Variants in SCFD2 observed in about 807,000 individuals in gnomAD.
SCFD2 encodes the protein sec1 family domain containing 2, also known as sec1 family domain-containing protein 2.
A neutral mutation model predicts 58.9 loss-of-function variants in SCFD2; 54 were observed. The ratio of observed to expected loss-of-function variants is 0.92; its 90% CI spans 0.74 to 1.15. SCFD2 has a LOEUF of 1.15. SCFD2 is among the 50% of genes most tolerant of loss of function. The pLI, the probability that SCFD2 is intolerant of heterozygous loss-of-function variation, is 0.00. For missense variants in SCFD2, 805 were observed against 836.6 expected (o/e 0.96, Z 0.47); for synonymous variants, 321 against 335.9 (o/e 0.96, Z 0.49).
At chr4:53,026,536 A>T (rs1021641681) in intron 5 of SCFD2, among the ~76,000 whole-genome samples, 1 of 152,228 alleles carries the variant, frequency 6.6e-6, no homozygotes, top group African/African-American at 2.4e-5. Flanking sequence ...GGAAACAAGG[A>T]TATCAGAGCC....
At chr4:53,106,429 T>C (rs910209656) in intron 5 of SCFD2, among the ~76,000 whole-genome samples, 3 of 152,078 alleles carry the variant, frequency 2.0e-5, no homozygotes, top group Admixed American at 6.6e-5. Context: ...TCCTCTGAGT[T>C]AAAGGAGCAT....
chr4:53,292,933 C>T (rs1731892404), intron 3 of SCFD2, among the ~76,000 whole-genome samples: 1 of 152,032 alleles, frequency 6.6e-6, no homozygotes, highest in African/African-American at 2.4e-5. Context: ...GGGCTTAAAA[C>T]CTAGAAGACA....
At chr4:53,271,792 A>C (rs7682970) in intron 4 of SCFD2, among the ~76,000 whole-genome samples, 109,916 of 152,054 alleles carry the variant, frequency 0.72, 39,957 homozygotes, top group Middle Eastern at 0.8. Flanking sequence ...AAAAATAGAA[A>C]CTTGAGACTT....
intron 4 of SCFD2, among the ~76,000 whole-genome samples, chr4:53,147,009 A>G (rs1726351949): frequency 6.6e-6 from 1 of 152,196 alleles, no homozygotes; most frequent in Non-Finnish European, 1.5e-5. Flanking sequence ...AGTAAGTGCT[A>G]TAAACAAAAA....
intron 4 of SCFD2, among the ~76,000 whole-genome samples, chr4:53,216,679 C>A (rs967543012): frequency 7.2e-5 from 11 of 152,136 alleles, no homozygotes; most frequent in African/African-American, 2.7e-4. Context: ...TATTTCTCGC[C>A]TTCTGCTAGC....
intron 5 of SCFD2, among the ~76,000 whole-genome samples, chr4:53,053,130 C>T (rs190741031): frequency 5.2e-4 from 78 of 150,394 alleles, no homozygotes; most frequent in Admixed American, 1.7e-3. Context: ...GAGGTTGAGG[C>T]GGGAGGATCA....
intron 4 of SCFD2, among the ~76,000 whole-genome samples, chr4:53,241,714 C>A (rs1324096400): frequency 6.6e-6 from 1 of 152,204 alleles, no homozygotes; most frequent in Non-Finnish European, 1.5e-5. Context: ...TGTGTGTGCA[C>A]CCTGTCATGC....
At chr4:53,106,434 G>A (rs1395253452) in intron 5 of SCFD2, among the ~76,000 whole-genome samples, 1 of 152,164 alleles carries the variant, frequency 6.6e-6, no homozygotes, top group African/African-American at 2.4e-5. Context: ...TGAGTTAAAG[G>A]AGCATGTTCT....
intron 2 of SCFD2, among the ~76,000 whole-genome samples, chr4:53,342,219 C>T (rs1198438178): frequency 6.6e-6 from 1 of 152,184 alleles, no homozygotes; most frequent in African/African-American, 2.4e-5. Flanking sequence ...ACCCAACTCA[C>T]GTGCAGAGAC....
intron 5 of SCFD2, among the ~76,000 whole-genome samples, chr4:52,932,534 T>C (rs1720021598): frequency 6.6e-6 from 1 of 152,176 alleles, no homozygotes; most frequent in African/African-American, 2.4e-5. Context: ...GGGGGAATAG[T>C]AGTGTCTTTT....
intron 7 of SCFD2, among the ~76,000 whole-genome samples, chr4:52,887,307 A>G (rs951626689): frequency 2.6e-5 from 4 of 152,208 alleles, no homozygotes; most frequent in African/African-American, 9.6e-5. Context: ...AACCTACACT[A>G]GATGCTGTGG....
rs758127643 is a variant in SCFD2, at chr4:52,907,490, A to C, written c.1809T>G (p.Asp603Glu). The change falls in exon 7 of 9, where the codon GAT (aspartate) becomes GAG (glutamate). Residue 603 changes from aspartate (D) to glutamate (E), a missense_variant. Around this residue, in one of 3 missense-constraint regions of SCFD2, gnomAD observed 633 missense variants for 646.8 expected, o/e 0.98. Transcript: ENST00000401642. ...DIEHMSSGLTDLLKTGFSMFM... is the reference protein window; with the variant it reads ...DIEHMSSGLTELLKTGFSMFM... ...ACATGCTAAATCCAGTTTTAAGGAG[A>C]TCAGTGAGGCCTGAAGACATGTGTT... 6.2e-7 allele frequency: 1 copy of C among 1,614,080 alleles called. No individual in the cohort carries two copies. Among genetic ancestry groups the C allele is most frequent in the Non-Finnish European group, 8.5e-7 (1 of 1,179,972 alleles).
intron 4 of SCFD2, among the ~76,000 whole-genome samples, chr4:53,233,243 T>C (rs1471653168): frequency 6.6e-6 from 1 of 152,060 alleles, no homozygotes; most frequent in African/African-American, 2.4e-5. Flanking sequence ...CTAGCACCAC[T>C]GGGGTAGTTG....
intron 2 of SCFD2, among the ~76,000 whole-genome samples, chr4:53,348,156 T>C (rs1252299997): frequency 6.6e-6 from 1 of 152,230 alleles, no homozygotes; most frequent in Non-Finnish European, 1.5e-5. Context: ...CTCATTTGCA[T>C]TGGCAGTAAC....
At chr4:53,003,862 G>A (rs1304746584) in intron 5 of SCFD2, among the ~76,000 whole-genome samples, 1 of 152,172 alleles carries the variant, frequency 6.6e-6, no homozygotes, top group African/African-American at 2.4e-5. Context: ...ATGCTTCTTG[G>A]ATGGGTAGGC....
chr4:53,118,489 T>C (rs1297322003), intron 5 of SCFD2, among the ~76,000 whole-genome samples: 7 of 152,236 alleles, frequency 4.6e-5, no homozygotes, highest in Non-Finnish European at 1.0e-4. Flanking sequence ...AAAAAGTATT[T>C]TGAAAATCCT....
chr4:53,041,502 G>C (rs141357556), intron 5 of SCFD2, among the ~76,000 whole-genome samples: 2,910 of 152,218 alleles, frequency 0.019, 69 homozygotes, highest in Admixed American at 0.073. Context: ...TTTAAATCAG[G>C]AGATGAGATG....
intron 5 of SCFD2, among the ~76,000 whole-genome samples, chr4:53,059,756 C>T (rs1723451111): frequency 6.6e-6 from 1 of 152,026 alleles, no homozygotes; most frequent in African/African-American, 2.4e-5. Flanking sequence ...CTGAGATGGA[C>T]TTCAATAATT....
chr4:53,273,756 T>C, intron 4 of SCFD2, 70 bp downstream of exon 4: 2 of 1,324,660 alleles, frequency 1.5e-6, no homozygotes, highest in Non-Finnish European at 2.1e-6. Context: ...CTATAATAAA[T>C]GTCAAGGTTT....
Sources: gnomAD v4.1 joint callset for allele counts (sites outside exome capture counted in the v4.1 genomes callset) on GRCh38, gnomAD v4.1.1 for gene constraint, gnomAD v4.1.1 regional missense constraint, MANE v1.5 for transcripts, NCBI Gene and HGNC (gene_info 2026-07-23, HGNC 2026-07-21) for gene names.